CPB1: variants seen among roughly 807,000 people sequenced by gnomAD.
CPB1 encodes carboxypeptidase B.
Under a neutral mutation model 51.4 loss-of-function variants are expected in CPB1, and 53 were observed. The observed-to-expected ratio is 1.03, with a 90% CI of 0.83 to 1.30. CPB1 has a LOEUF of 1.30. Among genes scored for constraint, CPB1 ranks in the 50% most tolerant of loss-of-function variants. The probability of loss-of-function intolerance (pLI) is 0.00; values close to 1 mark genes in which losing one functional copy is unlikely to be tolerated. For missense variants in CPB1, 494 were observed against 516.2 expected (o/e 0.96, Z 0.42); for synonymous variants, 189 against 186.9 (o/e 1.01, Z -0.09).
chr3:148,858,492 A>C (rs1713654134), intron 10 of CPB1, among the ~76,000 whole-genome samples: 1 of 152,062 alleles, frequency 6.6e-6, no homozygotes, highest in South Asian at 2.1e-4. Context: ...GAATCGTTTG[A>C]ACCTGGGAGG....
At position 148,860,024 on chromosome 3, in the gene CPB1, T is replaced by C; in HGVS notation, c.*22T>C. 6.3e-6 allele frequency: 10 copies of C among 1,583,790 alleles called. No homozygotes were observed. The highest frequency in any genetic ancestry group is 8.6e-6 in the Non-Finnish European group (10 of 1,164,574). On this transcript the variant is annotated 3_prime_UTR_variant, in exon 11 of 11. Transcript: ENST00000282957. The stretch of plus-strand genomic sequence containing the variant: ...CTAGTTGAGAAAGCTGATGGCCTTG[T>C]TTCAAAATTCTCATTTTTCATTTCT...
rs1206076779 is a variant in CPB1 at position 148,857,534 on chromosome 3, A to G, written c.1059A>G (p.Thr353=). The change falls in exon 10 of 11, where the codon ACA becomes ACG. Residue 353 remains threonine, a synonymous_variant. Transcript: ENST00000282957. ...AGTACACATATGGCCCGGGAGCTACAACAATCTGTGAGTCTTGGCTTCAGA... is the reference window on the plus strand; with the variant it reads ...AGTACACATATGGCCCGGGAGCTACGACAATCTGTGAGTCTTGGCTTCAGA... ...GTKYTYGPGA[T]TIYPAAGGSD... is the part of the protein sequence containing the mutation. The G allele has an allele frequency of 6.2e-7, 1 of 1,613,362 alleles. No individual in the cohort carries two copies. Among genetic ancestry groups the G allele is most frequent in the African/African-American group, 1.3e-5 (1 of 74,902 alleles).
In CPB1 at chr3:148,852,281, C is replaced by A. The variant is rs568869064; in HGVS notation, c.982-5176C>A. 2.6e-5 allele frequency among the ~76,000 whole-genome samples: 4 copies of A among 152,168 alleles called. No individual in the cohort carries two copies. In the South Asian group the frequency reaches 8.3e-4, roughly 32 times the overall value. ...CTTCCATTTCAACTAATTTTGCCCC[C>A]CACTCCCACTCCCACCCCCAGATGA... On this transcript the variant is annotated intron_variant, in intron 9 of 10. Transcript: ENST00000282957.
chr3:148,840,270 C>T (rs1005041492), intron 3 of CPB1, among the ~76,000 whole-genome samples: 5 of 151,968 alleles, frequency 3.3e-5, no homozygotes, highest in African/African-American at 1.2e-4. Context: ...AAACGCAAGA[C>T]TTTTAGTTCT....
At chr3:148,858,587 A>T (rs761770605) in intron 10 of CPB1, among the ~76,000 whole-genome samples, 1 of 151,964 alleles carries the variant, frequency 6.6e-6, no homozygotes, top group Non-Finnish European at 1.5e-5. Flanking sequence ...AAAAAAAGAC[A>T]GAGTGTTTTT....
chr3:148,846,015 C>G (rs1482551129), intron 9 of CPB1, among the ~76,000 whole-genome samples: 2 of 151,966 alleles, frequency 1.3e-5, no homozygotes, highest in Non-Finnish European at 2.9e-5. Flanking sequence ...TGACACAGAT[C>G]CAGAGCATAG....
At chr3:148,829,412 A>G (rs1712664534) in intron 2 of CPB1, among the ~76,000 whole-genome samples, 1 of 152,236 alleles carries the variant, frequency 6.6e-6, no homozygotes, top group South Asian at 2.1e-4. Flanking sequence ...CATCTTAAAC[A>G]GTCATAGAAC....
chr3:148,857,619 C>A, intron 10 of CPB1, 78 bp downstream of exon 10: 1 of 1,044,436 alleles, frequency 9.6e-7, no homozygotes. Flanking sequence ...CCTTTCTTTT[C>A]TGATAGTTTA....
At chr3:148,837,168 G>A (rs1385470488) in intron 3 of CPB1, among the ~76,000 whole-genome samples, 4 of 152,146 alleles carry the variant, frequency 2.6e-5, no homozygotes, top group Non-Finnish European at 5.9e-5. Context: ...TGCCCTCCAT[G>A]GAATTCCTTG....
intron 8 of CPB1, 143 bp downstream of exon 8, chr3:148,844,910 AC>A: frequency 1.4e-6 from 1 of 739,862 alleles, no homozygotes; most frequent in Non-Finnish European, 2.2e-6. Context: ...AAAAAAAAAA[AC>A]CAGTTTAATT....
Position 148,840,694 on chromosome 3 carries a change from T to C in CPB1, c.281T>C (p.Ile94Thr), listed in dbSNP as rs770876189. ...KQNELQYKVL[I>T]SNLRNVVEAQ... Reference sequence around the variant, plus strand: ...ACTTTGGTTCGTTGCAGGGTACTGATAAGCAACCTGAGAAATGTGGTGGAG... The same window carrying C: ...ACTTTGGTTCGTTGCAGGGTACTGACAAGCAACCTGAGAAATGTGGTGGAG... Residue 94 changes from isoleucine to threonine, a missense_variant, in exon 4 of 11, where the codon ATA becomes ACA. Transcript: ENST00000282957. 8 of 1,614,128 alleles carry C rather than the reference T, an allele frequency of 5.0e-6. No individual in the cohort carries two copies. In the South Asian group the frequency reaches 7.7e-5, roughly 16 times the overall value.
intron 3 of CPB1, among the ~76,000 whole-genome samples, chr3:148,838,989 T>TATATC (rs1476989866): frequency 9.3e-6 from 1 of 107,486 alleles, no homozygotes; most frequent in Non-Finnish European, 1.8e-5. Context: ...CCCAAAAAAC[T>TATATC]CTACAGAACA....
At chr3:148,859,768 C>T (rs768311501) in intron 10 of CPB1, 47 bp from the exon 11 acceptor site, 2 of 1,525,774 alleles carry the variant, frequency 1.3e-6, no homozygotes, top group South Asian at 1.3e-5. Context: ...TTTTAAAGCT[C>T]CTTCCTAGAT....
At chr3:148,832,556 C>G (rs1003499000) in intron 2 of CPB1, among the ~76,000 whole-genome samples, 16 of 152,190 alleles carry the variant, frequency 1.1e-4, no homozygotes, top group African/African-American at 3.6e-4. Flanking sequence ...ACAAAGGAAA[C>G]AGTGTTAAGC....
At position 148,844,738 on chromosome 3, in the gene CPB1, C is replaced by G; in HGVS notation, c.749C>G (p.Pro250Arg). 6.2e-7 allele frequency: 1 copy of G among 1,613,908 alleles called. No homozygotes were observed. The highest frequency in any genetic ancestry group is 8.5e-7 in the Non-Finnish European group (1 of 1,179,848). Residue 250 changes from proline (P) to arginine (R), a missense_variant, in exon 8 of 11, where the codon CCC becomes CGC. Pro to Arg is a moderately radical substitution (Grantham distance 103). Transcript: ENST00000282957. ...HTGSSCIGTDPNRNFDAGWCE... is the reference protein window; with the variant it reads ...HTGSSCIGTDRNRNFDAGWCE... ...GGATCTAGCTGCATTGGCACAGACC[C>G]CAACAGAAATTTTGATGCTGGTTGG...
At chr3:148,831,491 A>G (rs968315391) in intron 2 of CPB1, among the ~76,000 whole-genome samples, 4 of 152,238 alleles carry the variant, frequency 2.6e-5, no homozygotes. Flanking sequence ...AGAAAAAAAG[A>G]TCCCCAACAC....
At chr3:148,828,866 G>T (rs1335251517) in intron 2 of CPB1, among the ~76,000 whole-genome samples, 1 of 152,096 alleles carries the variant, frequency 6.6e-6, no homozygotes, top group Non-Finnish European at 1.5e-5. Flanking sequence ...GGAAGAAGAA[G>T]GTGGAGAGTG....
Position 148,846,797 on chromosome 3 carries a change from G to GTA in CPB1, c.981+1215_981+1216dup, listed in dbSNP as rs368201293. Among the ~76,000 whole-genome samples the GTA allele has an allele frequency of 2.5e-3, 128 of 50,446 alleles. 2 individuals are homozygous for GTA. Among genetic ancestry groups the GTA allele is most frequent in the East Asian group, 0.018 (23 of 1,266 alleles). The allele number at this position is 50,446 out of a possible 152,430, so 33.1% of individuals were successfully genotyped here. A position where few individuals can be genotyped will look rare whatever the true frequency, so the allele number is the denominator to read the frequency against. The stretch of plus-strand genomic sequence containing the variant: ...CACATATATATGTGTGTGTGCGTGT[G>GTA]TATATATATATATATATATATATAT... On this transcript the variant is annotated intron_variant, in intron 9 of 10. Coordinates refer to ENST00000282957, the MANE Select transcript of CPB1 (RefSeq NM_001871.3).
At chr3:148,828,336 G>A (rs919719911) in intron 2 of CPB1, among the ~76,000 whole-genome samples, 8 of 152,174 alleles carry the variant, frequency 5.3e-5, no homozygotes, top group African/African-American at 1.9e-4. Context: ...CAACTGTCAC[G>A]AAGGTCACAG....
Sources: gnomAD v4.1 joint callset for allele counts (sites outside exome capture counted in the v4.1 genomes callset) on GRCh38, gnomAD v4.1.1 for gene constraint, MANE v1.5 for transcripts, NCBI Gene and HGNC (gene_info 2026-07-23, HGNC 2026-07-21) for gene names.